Variants in BSN observed in about 807,000 individuals in gnomAD.
BSN encodes the protein bassoon presynaptic cytomatrix protein.
A neutral mutation model predicts 264.8 loss-of-function variants in BSN; 57 were observed. The ratio of observed to expected loss-of-function variants is 0.22; its 90% confidence interval spans 0.17 to 0.27. BSN has a LOEUF of 0.27. Among genes scored for constraint, BSN ranks in the 10% least tolerant of loss-of-function variants. The pLI, the probability that BSN is intolerant of heterozygous loss-of-function variation, is 1.00. For synonymous variants in BSN, 2,059 were observed against 2,137.3 expected (o/e 0.96, Z 1.01); for missense variants, 4,615 against 5,232.5 (o/e 0.88, Z 3.64).
intron 1 of BSN, among the ~76,000 whole-genome samples, chr3:49,614,403 C>T (rs2052241800): frequency 6.6e-6 from 1 of 152,140 alleles, no homozygotes. Context: ...GCATTTGACA[C>T]GTCAGCTGAC....
chr3:49,567,890 T>C (rs1021006142), intron 1 of BSN, among the ~76,000 whole-genome samples: 1 of 152,180 alleles, frequency 6.6e-6, no homozygotes, highest in Non-Finnish European at 1.5e-5. Flanking sequence ...TCATCAATTA[T>C]ATGTTTGAGA....
chr3:49,610,597 A>AAAC (rs2052199015), intron 1 of BSN, among the ~76,000 whole-genome samples: 1 of 150,410 alleles, frequency 6.6e-6, no homozygotes, highest in Non-Finnish European at 1.5e-5. Flanking sequence ...AAAAAAAAAA[A>AAAC]AAAAAAAAAC....
intron 2 of BSN, among the ~76,000 whole-genome samples, chr3:49,626,469 G>C (rs943103238): frequency 2.6e-5 from 4 of 152,176 alleles, no homozygotes; most frequent in Non-Finnish European, 4.4e-5. Flanking sequence ...GGAAGGAGCT[G>C]TCGGTGTGGG....
At position 49,625,444 on chromosome 3, in the gene BSN, T is replaced by C. The variant is rs1270757701; in HGVS notation, c.633+61T>C. The C allele has an allele frequency of 1.4e-6, 2 of 1,380,516 alleles. No individual in the cohort carries two copies. Among genetic ancestry groups the C allele is most frequent in the East Asian group, 5.5e-5 (2 of 36,544 alleles). The allele number at this position is 1,380,516 out of a possible 1,614,324, so 85.5% of individuals were successfully genotyped here. On this transcript the variant is annotated intron_variant, in intron 2 of 11. Coordinates refer to ENST00000296452, the MANE Select transcript of BSN (RefSeq NM_003458.4). The surrounding 1 kb of genome is among the most constrained non-coding windows in gnomAD (Gnocchi z 4.4). ...TACCTCATTACCATACCTCCCCTGG[T>C]TCCCTTCCCCTCTTTCACCAACTCT...
chr3:49,621,584 G>A (rs1039257254), intron 1 of BSN, among the ~76,000 whole-genome samples: 2 of 152,116 alleles, frequency 1.3e-5, no homozygotes, highest in East Asian at 1.9e-4. Flanking sequence ...TGTGACTGTC[G>A]GATTTGATGA....
chr3:49,565,910 C>T (rs1189887604), intron 1 of BSN, among the ~76,000 whole-genome samples: 3 of 152,204 alleles, frequency 2.0e-5, no homozygotes, highest in Non-Finnish European at 4.4e-5. Flanking sequence ...TAACCTCCAC[C>T]TCACGGGTTC....
chr3:49,577,808 G>A (rs1296582334), intron 1 of BSN, among the ~76,000 whole-genome samples: 1 of 152,080 alleles, frequency 6.6e-6, no homozygotes, highest in Non-Finnish European at 1.5e-5. Flanking sequence ...CCAAAGTGGT[G>A]GAATTACAGG....
intron 1 of BSN, among the ~76,000 whole-genome samples, chr3:49,621,709 G>A (rs2052307226): frequency 6.6e-6 from 1 of 151,954 alleles, no homozygotes; most frequent in South Asian, 2.1e-4. Flanking sequence ...GTAGTGAGTG[G>A]AGGCAGTTCT....
At chr3:49,627,283 A>G (rs1389573235) in intron 2 of BSN, among the ~76,000 whole-genome samples, 1 of 152,140 alleles carries the variant, frequency 6.6e-6, no homozygotes. Context: ...CTGCTGTTCC[A>G]TGGCACCCAG....
At chr3:49,591,304 A>G (rs571943254) in intron 1 of BSN, among the ~76,000 whole-genome samples, 71 of 152,260 alleles carry the variant, frequency 4.7e-4, no homozygotes, top group Non-Finnish European at 6.0e-4. Context: ...ACATACACAC[A>G]TTGTTTTATG....
intron 2 of BSN, among the ~76,000 whole-genome samples, chr3:49,636,836 G>A (rs967178758): frequency 6.6e-6 from 1 of 152,250 alleles, no homozygotes; most frequent in African/African-American, 2.4e-5. Context: ...GTCTATTGCT[G>A]TACCAGGGTG....
At chr3:49,650,536 A>G (rs1246165378) in intron 3 of BSN, 76 bp from the exon 4 acceptor site, 2 of 1,357,700 alleles carry the variant, frequency 1.5e-6, no homozygotes, top group East Asian at 2.3e-5. Context: ...GGTTACAGAA[A>G]TAGTTATGGA....
rs141561695 is a variant in BSN at position 49,589,664 on chromosome 3, G to T, written c.224+34838G>T. ...TGTGACTACAGGCGCATGCCACCAC[G>T]CCCGGCTCATTTTTTGTATTTTAGT... On this transcript the variant is annotated intron_variant, in intron 1 of 11. Transcript: ENST00000296452. Among the ~76,000 whole-genome samples, 414 of 150,046 alleles carry T rather than the reference G, an allele frequency of 2.8e-3. 3 individuals carry two copies. The highest frequency in any genetic ancestry group is 9.4e-3 in the African/African-American group (384 of 40,834).
In BSN at chr3:49,625,527, C is replaced by G. The variant is rs1321632252; in HGVS notation, c.633+144C>G. ...TTTGTGTCCTCCTGCAGGGATGTGT[C>G]CTGGTTCCAGGATGTGGCAGCAAAG... On this transcript the variant is annotated intron_variant, in intron 2 of 11. Coordinates refer to ENST00000296452, the MANE Select transcript of BSN (RefSeq NM_003458.4). The surrounding 1 kb of genome is among the most constrained non-coding windows in gnomAD (Gnocchi z 4.4). 5 of 835,084 alleles carry G rather than the reference C, an allele frequency of 6.0e-6. No individual in the cohort carries two copies. In the African/African-American group the frequency reaches 8.9e-5, roughly 15 times the overall value. 51.7% of individuals were successfully genotyped at this position (835,084 alleles called of 1,614,324 possible). A position where few individuals can be genotyped will look rare whatever the true frequency, so the allele number is the denominator to read the frequency against.
At chr3:49,590,150 A>G (rs572992824) in intron 1 of BSN, among the ~76,000 whole-genome samples, 7 of 152,256 alleles carry the variant, frequency 4.6e-5, no homozygotes, top group African/African-American at 1.7e-4. Context: ...CTTCATTTTC[A>G]ATAACATTTG....
At chr3:49,631,999 T>C (rs1387331528) in intron 2 of BSN, among the ~76,000 whole-genome samples, 1 of 152,172 alleles carries the variant, frequency 6.6e-6, no homozygotes, top group African/African-American at 2.4e-5. Context: ...TAGAGTAGAA[T>C]ACGTAGCCCA....
intron 1 of BSN, among the ~76,000 whole-genome samples, chr3:49,594,603 G>A (rs1283621816): frequency 6.6e-6 from 1 of 152,094 alleles, no homozygotes; most frequent in African/African-American, 2.4e-5. Context: ...CTTAAATTGG[G>A]TAGAATAATT....
chr3:49,607,105 C>A (rs1269372677), intron 1 of BSN, among the ~76,000 whole-genome samples: 6 of 152,140 alleles, frequency 3.9e-5, no homozygotes, highest in Non-Finnish European at 8.8e-5. Context: ...AGACCCTGGT[C>A]TCTCCTCTTT....
chr3:49,557,568 C>T (rs2051682431), intron 1 of BSN, among the ~76,000 whole-genome samples: 1 of 151,340 alleles, frequency 6.6e-6, no homozygotes, highest in Non-Finnish European at 1.5e-5. Flanking sequence ...TGGACTTGCA[C>T]CTGTCAGTTT....
Sources: allele counts gnomAD v4.1 joint callset (sites outside exome capture counted in the v4.1 genomes callset), GRCh38; gene constraint gnomAD v4.1.1; non-coding constraint Gnocchi (gnomAD v3.1); transcripts MANE v1.5; gene names NCBI Gene and HGNC (gene_info 2026-07-23, HGNC 2026-07-21).